Variants in KCNIP1 observed in about 807,000 individuals in gnomAD.
KCNIP1 encodes the protein potassium voltage-gated channel interacting protein 1.
In KCNIP1, 18 loss-of-function variants were observed where a neutral mutation model predicts 33.0. That is an observed-to-expected ratio of 0.55 (90% CI 0.38 to 0.81). The LOEUF is 0.81. Ranked by LOEUF, KCNIP1 falls within the 30% of genes least tolerant of loss-of-function variation. The probability of loss-of-function intolerance (pLI) is 0.00; values close to 1 mark genes in which losing one functional copy is unlikely to be tolerated. For synonymous variants in KCNIP1, 93 were observed against 98.3 expected (o/e 0.95, Z 0.32); for missense variants, 238 against 271.6 (o/e 0.88, Z 0.87).
At chr5:170,712,845 C>G (rs965052716) in intron 1 of KCNIP1, 21 of 1,613,806 alleles carry the variant, frequency 1.3e-5, no homozygotes, top group Non-Finnish European at 1.8e-5. Context: ...TTTTCTCACT[C>G]TTTCCTAGAC....
chr5:170,471,720 T>G (rs897086964), intron 1 of KCNIP1, among the ~76,000 whole-genome samples: 1 of 152,052 alleles, frequency 6.6e-6, no homozygotes, highest in African/African-American at 2.4e-5. Context: ...GCCTCCTCCC[T>G]CTCTTCTCCA....
At chr5:170,396,277 G>T (rs955790978) in intron 1 of KCNIP1, among the ~76,000 whole-genome samples, 3 of 152,206 alleles carry the variant, frequency 2.0e-5, no homozygotes, top group Admixed American at 2.0e-4. Context: ...TCTTGAGAGG[G>T]GATGCTCCCA....
intron 4 of KCNIP1, 111 bp from the exon 5 acceptor site, chr5:170,722,602 G>T (rs999742426): frequency 7.9e-6 from 6 of 755,000 alleles, no homozygotes; most frequent in African/African-American, 7.0e-5. Flanking sequence ...GCAGACAAGA[G>T]GACGCAGGAG....
intron 1 of KCNIP1, among the ~76,000 whole-genome samples, chr5:170,545,734 G>A (rs917514041): frequency 2.0e-5 from 3 of 152,000 alleles, no homozygotes; most frequent in Non-Finnish European, 2.9e-5. Flanking sequence ...AAGGCTATAT[G>A]TTTTTGTTCA....
Position 170,504,444 on chromosome 5 carries a change from A to C in KCNIP1, c.-129A>C. 1 of 1,525,498 alleles carries C rather than the reference A, an allele frequency of 6.6e-7. No homozygotes were observed. 94.5% of individuals were successfully genotyped at this position (1,525,498 alleles called of 1,614,324 possible). On this transcript the variant is annotated 5_prime_UTR_variant, in exon 1 of 8. Transcript: ENST00000328939. The surrounding 1 kb of genome is among the most constrained non-coding windows in gnomAD (Gnocchi z 6.0). ...CTCGCCTCCACGCTTGCTGAATACC[A>C]AGCTGCAGGCGAGCTGCCGGGCGCT...
chr5:170,664,143 C>A (rs973347229), intron 1 of KCNIP1, among the ~76,000 whole-genome samples: 1 of 152,152 alleles, frequency 6.6e-6, no homozygotes, highest in Admixed American at 6.5e-5. Flanking sequence ...TGCAACTCCC[C>A]CTACACTCTG....
chr5:170,654,401 A>G (rs1267845205), intron 1 of KCNIP1, among the ~76,000 whole-genome samples: 1 of 152,182 alleles, frequency 6.6e-6, no homozygotes, highest in Non-Finnish European at 1.5e-5. Flanking sequence ...ATAAATCCAT[A>G]AATTGTATGT....
Position 170,733,887 on chromosome 5 carries a change from T to A in KCNIP1, c.592T>A (p.Ser198Thr). 21 of 1,613,652 alleles carry A rather than the reference T, an allele frequency of 1.3e-5. No homozygotes were observed. Among genetic ancestry groups the A allele is most frequent in the Non-Finnish European group, 1.8e-5 (21 of 1,179,618 alleles). The change falls in exon 7 of 8, where the codon TCA becomes ACA. Residue 198 changes from serine to threonine, a missense_variant. Transcript: ENST00000328939. ...GIVTLDEFLE[S>T]CQEDDNIMRS... ...CGTAACTTTAGATGAATTTCTTGAATCATGTCAGGAGGTAAGGAGAGATCT... is the reference window on the plus strand; with the variant it reads ...CGTAACTTTAGATGAATTTCTTGAAACATGTCAGGAGGTAAGGAGAGATCT...
At chr5:170,492,250 C>G (rs1048396381) in intron 1 of KCNIP1, among the ~76,000 whole-genome samples, 17 of 152,198 alleles carry the variant, frequency 1.1e-4, no homozygotes, top group African/African-American at 3.4e-4. Context: ...TAAAGAAGCT[C>G]ACAGAACTCA....
At chr5:170,424,051 C>T (rs1755558928) in intron 1 of KCNIP1, among the ~76,000 whole-genome samples, 1 of 152,196 alleles carries the variant, frequency 6.6e-6, no homozygotes, top group Admixed American at 6.5e-5. Context: ...GCTTATGTAA[C>T]CATTAGGCTG....
At chr5:170,407,979 C>A (rs1755081963) in intron 1 of KCNIP1, among the ~76,000 whole-genome samples, 1 of 152,090 alleles carries the variant, frequency 6.6e-6, no homozygotes, top group Admixed American at 6.5e-5. Flanking sequence ...TGACTTAAGT[C>A]AAATAGCTTA....
exon 1 of KCNIP1, chr5:170,353,531 TC>T (rs1763266773): frequency 2.6e-6 from 1 of 379,508 alleles, no homozygotes; most frequent in Admixed American, 4.0e-5. Context: ...AGCTCCTCCC[TC>T]CCTGCTCTGC....
At chr5:170,487,242 C>T (rs1757117168) in intron 1 of KCNIP1, among the ~76,000 whole-genome samples, 1 of 152,152 alleles carries the variant, frequency 6.6e-6, no homozygotes, top group African/African-American at 2.4e-5. Flanking sequence ...TGAAGGCCTT[C>T]AGCTGACTCA....
At chr5:170,367,905 T>G (rs538572748) in intron 1 of KCNIP1, among the ~76,000 whole-genome samples, 1 of 152,336 alleles carries the variant, frequency 6.6e-6, no homozygotes, top group African/African-American at 2.4e-5. Flanking sequence ...ATACGGACTT[T>G]TATTTAGAGG....
At chr5:170,668,255 G>A (rs1761781072) in intron 1 of KCNIP1, among the ~76,000 whole-genome samples, 1 of 152,226 alleles carries the variant, frequency 6.6e-6, no homozygotes. Context: ...CAGATAAGGA[G>A]GGGAGGCAAA....
rs1478179458 is a variant in KCNIP1, at chr5:170,370,225, C to T, written c.88+16261C>T. ...CCAAATCGAAAAGAATCTGAATTATCGGTTGAAGGAGACACACTTACTTGA... is the reference window on the plus strand; with the variant it reads ...CCAAATCGAAAAGAATCTGAATTATTGGTTGAAGGAGACACACTTACTTGA... On this transcript the variant is annotated intron_variant, in intron 1 of 7. Transcript: ENST00000377360. Among the ~76,000 whole-genome samples the T allele has an allele frequency of 4.6e-5, 7 of 152,116 alleles. No homozygotes were observed. In the East Asian group the frequency reaches 1.2e-3, roughly 25 times the overall value.
intron 1 of KCNIP1, among the ~76,000 whole-genome samples, chr5:170,648,515 A>G (rs1296014103): frequency 6.6e-6 from 1 of 152,200 alleles, no homozygotes; most frequent in African/African-American, 2.4e-5. Flanking sequence ...TTACTAAGTG[A>G]AAAAAGCCAA....
At chr5:170,731,030 C>G (rs963179461) in intron 5 of KCNIP1, among the ~76,000 whole-genome samples, 1 of 152,106 alleles carries the variant, frequency 6.6e-6, no homozygotes, top group South Asian at 2.1e-4. Context: ...GTAGCTCTTC[C>G]TTACAGAAGA....
chr5:170,536,817 C>G (rs1183779999), intron 1 of KCNIP1, among the ~76,000 whole-genome samples: 2 of 152,184 alleles, frequency 1.3e-5, no homozygotes, highest in African/African-American at 4.8e-5. Flanking sequence ...AAAGAAAACC[C>G]ACTCAGAAGC....
Sources: gnomAD v4.1 joint callset for allele counts (sites outside exome capture counted in the v4.1 genomes callset) on GRCh38, gnomAD v4.1.1 for gene constraint, Gnocchi (gnomAD v3.1) non-coding constraint, MANE v1.5 for transcripts, NCBI Gene and HGNC (gene_info 2026-07-23, HGNC 2026-07-21) for gene names.